Variants in PLD5 observed in about 807,000 individuals in gnomAD.
PLD5 encodes the protein phospholipase D family member 5, also known as inactive phospholipase D5.
PLD5 carries 36 observed loss-of-function variants against 61.1 expected under a neutral mutation model. The observed-to-expected ratio is 0.59, with a 90% CI of 0.45 to 0.78. PLD5 has a LOEUF of 0.78. PLD5 is among the 30% of genes least tolerant of loss of function. PLD5 has a pLI of 0.00. For synonymous variants in PLD5, 243 were observed against 242.8 expected, an observed-to-expected ratio of 1.00 and a Z score of -0.01; for missense variants, 515 against 644.4, an observed-to-expected ratio of 0.80 and a Z score of 2.17.
At chr1:242,136,349 C>T (rs566113350) in intron 5 of PLD5, among the ~76,000 whole-genome samples, 6 of 152,160 alleles carry the variant, frequency 3.9e-5, no homozygotes, top group Admixed American at 6.5e-5. Context: ...AAGGTGACAT[C>T]GACCTTTGTG....
intron 2 of PLD5, among the ~76,000 whole-genome samples, chr1:242,325,665 A>G (rs12140974): frequency 0.016 from 2,464 of 152,150 alleles, 26 homozygotes; most frequent in Middle Eastern, 0.027. Flanking sequence ...CTGGTCCTCT[A>G]CAAATTCTAG....
At chr1:242,107,526 T>C (rs1661160142) in intron 8 of PLD5, 145 bp downstream of exon 8, 1 of 779,198 alleles carries the variant, frequency 1.3e-6, no homozygotes, top group East Asian at 2.7e-5. Context: ...TGTGATTGTT[T>C]TGAAAAAATT....
intron 5 of PLD5, among the ~76,000 whole-genome samples, chr1:242,200,190 C>T (rs143052273): frequency 4.3e-4 from 65 of 152,296 alleles, no homozygotes; most frequent in African/African-American, 1.4e-3. Flanking sequence ...CTGCGAGGCA[C>T]GAGGGGCTGG....
chr1:242,168,468 A>G (rs936084003), intron 5 of PLD5, among the ~76,000 whole-genome samples: 2 of 152,190 alleles, frequency 1.3e-5, no homozygotes, highest in Admixed American at 1.3e-4. Flanking sequence ...AAGTAAGAAT[A>G]TATATAATAA....
At chr1:242,401,538 T>G (rs929763445) in intron 1 of PLD5, among the ~76,000 whole-genome samples, 1 of 152,138 alleles carries the variant, frequency 6.6e-6, no homozygotes, top group African/African-American at 2.4e-5. Flanking sequence ...CATCCTGTAA[T>G]GTTTTCCCAC....
At chr1:242,187,207 T>C (rs1391623084) in intron 5 of PLD5, among the ~76,000 whole-genome samples, 1 of 152,078 alleles carries the variant, frequency 6.6e-6, no homozygotes, top group Non-Finnish European at 1.5e-5. Flanking sequence ...GCAGGAAAAA[T>C]TGCTGTGTCT....
intron 4 of PLD5, among the ~76,000 whole-genome samples, chr1:242,240,870 C>T (rs942987143): frequency 3.9e-5 from 6 of 152,066 alleles, no homozygotes; most frequent in African/African-American, 1.2e-4. Context: ...CCTGGAGCAC[C>T]TCATGGACTC....
rs79544579 is a variant in PLD5, at chr1:242,499,657, C to T, written c.189+24431G>A. Among the ~76,000 whole-genome samples, 1,053 of 152,238 alleles carry T rather than the reference C, an allele frequency of 6.9e-3. 15 individuals carry two copies. Among genetic ancestry groups the T allele is most frequent in the African/African-American group, 0.024 (983 of 41,534 alleles). On this transcript the variant is annotated intron_variant, in intron 1 of 9. Coordinates refer to ENST00000536534, the MANE Select transcript of PLD5 (RefSeq NM_001372062.1). ...GATGGGCTACACAGGGGATGAACTACGAAGGCTTATGATCTCTTTTTAAGG... is the reference window on the plus strand; with the variant it reads ...GATGGGCTACACAGGGGATGAACTATGAAGGCTTATGATCTCTTTTTAAGG...
At chr1:242,189,815 A>G (rs886389713) in intron 5 of PLD5, among the ~76,000 whole-genome samples, 2 of 152,214 alleles carry the variant, frequency 1.3e-5, no homozygotes, top group Non-Finnish European at 2.9e-5. Context: ...GAACTATGCC[A>G]GCAGGAGGAA....
intron 5 of PLD5, among the ~76,000 whole-genome samples, chr1:242,140,718 T>C (rs1324940672): frequency 6.6e-6 from 1 of 151,350 alleles, no homozygotes; most frequent in African/African-American, 2.4e-5. Context: ...AACTGAGACA[T>C]AGTTTCTGTT....
intron 4 of PLD5, among the ~76,000 whole-genome samples, chr1:242,229,124 A>G (rs1346088457): frequency 6.6e-6 from 1 of 152,222 alleles, no homozygotes. Flanking sequence ...GCATGAGTAA[A>G]TGACTCAAAG....
intron 1 of PLD5, among the ~76,000 whole-genome samples, chr1:242,490,684 G>A (rs1376584199): frequency 6.6e-6 from 1 of 152,132 alleles, no homozygotes; most frequent in Non-Finnish European, 1.5e-5. Flanking sequence ...ACCCACATCT[G>A]CATTACAGAA....
Position 242,442,340 on chromosome 1 carries a change from T to G in PLD5, c.189+81748A>C, listed in dbSNP as rs1253476017. Among the ~76,000 whole-genome samples, 4 of 152,252 alleles carry G rather than the reference T, an allele frequency of 2.6e-5. No homozygotes were observed. In the East Asian group the frequency reaches 7.7e-4, roughly 29 times the overall value. On this transcript the variant is annotated intron_variant, in intron 1 of 9. Transcript: ENST00000536534. ...TAAAACATCTCTCAAATTCCGCCAC[T>G]GCTAGTAGTGTGGTGAGCATGTGCC...
the PLD5 span, among the ~76,000 whole-genome samples, chr1:242,529,783 C>CTTCCTTCCTTCCTTCCTTGT: frequency 1.4e-5 from 1 of 73,480 alleles, no homozygotes; most frequent in Non-Finnish European, 3.0e-5. Context: ...TGGGATCTTC[C>CTTCCTTCCTTCCTTCCTTGT]TTCCTTCCTT....
intron 1 of PLD5, among the ~76,000 whole-genome samples, chr1:242,505,926 TA>T (rs1668704900): frequency 6.6e-6 from 1 of 152,200 alleles, no homozygotes; most frequent in South Asian, 2.1e-4. Context: ...TGAAAAGTAT[TA>T]AAGAGACTTG....
intron 1 of PLD5, among the ~76,000 whole-genome samples, chr1:242,362,588 A>C (rs1661129145): frequency 6.6e-6 from 1 of 152,136 alleles, no homozygotes; most frequent in Admixed American, 6.5e-5. Flanking sequence ...TGATGTTCCC[A>C]AAGGAAGCAC....
At chr1:242,377,756 T>G (rs938020603) in intron 1 of PLD5, among the ~76,000 whole-genome samples, 1 of 152,122 alleles carries the variant, frequency 6.6e-6, no homozygotes, top group South Asian at 2.1e-4. Flanking sequence ...CACAAATGAT[T>G]AATAAGCACA....
At chr1:242,189,153 T>A (rs962890642) in intron 5 of PLD5, among the ~76,000 whole-genome samples, 1 of 152,066 alleles carries the variant, frequency 6.6e-6, no homozygotes, top group African/African-American at 2.4e-5. Context: ...GCTTTAGAAT[T>A]TCAAGGCTCT....
At chr1:242,509,422 T>C (rs1215869661) in intron 1 of PLD5, among the ~76,000 whole-genome samples, 3 of 152,184 alleles carry the variant, frequency 2.0e-5, no homozygotes, top group Non-Finnish European at 4.4e-5. Context: ...CTGCCTCCTT[T>C]GAACTCCTCC....
Sources: allele counts gnomAD v4.1 joint callset (sites outside exome capture counted in the v4.1 genomes callset), GRCh38; gene constraint gnomAD v4.1.1; transcripts MANE v1.5; gene names NCBI Gene and HGNC (gene_info 2026-07-23, HGNC 2026-07-21).